Variants in FBN2 observed in about 807,000 individuals in gnomAD.
FBN2 encodes fibrillin-2.
Under a neutral mutation model 355.6 loss-of-function variants are expected in FBN2, and 105 were observed. The observed-to-expected ratio is 0.30, with a 90% confidence interval of 0.25 to 0.35. The LOEUF (loss-of-function observed/expected upper bound fraction) is 0.35, where lower values mean the gene tolerates loss of function less well. Among genes scored for constraint, FBN2 ranks in the 10% least tolerant of loss-of-function variants. FBN2 has a pLI of 1.00. For synonymous variants in FBN2, 1,350 were observed against 1,301.2 expected, an observed-to-expected ratio of 1.04 and a Z score of -0.81; for missense variants, 3,280 against 3,758.7, an observed-to-expected ratio of 0.87 and a Z score of 3.33.
At chr5:128,395,437 A>G (rs1752624673) in intron 8 of FBN2, among the ~76,000 whole-genome samples, 163 bp from the exon 9 acceptor site, 1 of 152,216 alleles carries the variant, frequency 6.6e-6, no homozygotes, top group African/African-American at 2.4e-5. Flanking sequence ...TCATTGAGCC[A>G]GGGACAGAAC....
chr5:128,449,603 T>A (rs141546623), intron 6 of FBN2, among the ~76,000 whole-genome samples: 35 of 151,226 alleles, frequency 2.3e-4, no homozygotes, highest in Admixed American at 1.4e-3. Context: ...TACAAGAATA[T>A]ACACTATTAA....
chr5:128,264,207 T>G (rs1287433958), intron 62 of FBN2, among the ~76,000 whole-genome samples: 1 of 152,190 alleles, frequency 6.6e-6, no homozygotes, highest in Non-Finnish European at 1.5e-5. Flanking sequence ...AAAGTCCCTA[T>G]AAGTATTTGT....
intron 11 of FBN2, among the ~76,000 whole-genome samples, chr5:128,388,824 T>C (rs1328809109): frequency 6.6e-6 from 1 of 152,194 alleles, no homozygotes; most frequent in East Asian, 1.9e-4. Flanking sequence ...TTGAAGTTTG[T>C]CATCTTGTAC....
chr5:128,535,724 T>C (rs966400980), intron 2 of FBN2, among the ~76,000 whole-genome samples: 4 of 152,070 alleles, frequency 2.6e-5, no homozygotes, highest in Admixed American at 2.6e-4. Context: ...GATACAGAAT[T>C]TTTCAAGGTC....
chr5:128,506,047 GAC>G (rs1408556283), intron 5 of FBN2, among the ~76,000 whole-genome samples: 1 of 152,082 alleles, frequency 6.6e-6, no homozygotes, highest in African/African-American at 2.4e-5. Context: ...TAAGAAACTT[GAC>G]AGTTTTCAAA....
intron 5 of FBN2, among the ~76,000 whole-genome samples, chr5:128,481,458 G>A (rs1755185956): frequency 6.6e-6 from 1 of 152,170 alleles, no homozygotes; most frequent in East Asian, 1.9e-4. Context: ...GGTAGGAAGG[G>A]ATTATGGCAC....
intron 18 of FBN2, among the ~76,000 whole-genome samples, chr5:128,362,807 T>C (rs896995960): frequency 2.0e-5 from 3 of 152,148 alleles, no homozygotes; most frequent in Non-Finnish European, 4.4e-5. Flanking sequence ...GCAAGTGTAG[T>C]TAGTGACAAA....
chr5:128,336,072 C>A lies in FBN2; in HGVS notation c.3640G>T (p.Gly1214Ter). 1 of 1,613,658 alleles carries A rather than the reference C, an allele frequency of 6.2e-7. No individual in the cohort carries two copies. Among genetic ancestry groups the A allele is most frequent in the Non-Finnish European group, 8.5e-7 (1 of 1,179,606 alleles). ...GTTCCAATCATGTTCACACATTTTC[C>A]ATTTCTGCAGAGATTGTCACTCAGG... is the stretch of plus-strand genomic sequence containing the variant. ...CSLSDNLCRN[G>*]KCVNMIGTYQ... is the part of the protein sequence containing the mutation. Residue 1214 changes from glycine to a stop codon, truncating the protein, a stop_gained, in exon 28 of 65, where the codon GGA becomes TGA. Transcript: ENST00000262464. LOFTEE classifies it high-confidence loss of function.
chr5:128,318,240 A>G lies in FBN2; in HGVS notation c.4626T>C (p.Cys1542=), dbSNP rs2126853786. ...DIDECADPIN[C]VNGLCVNTPG... ...GCGTGTTGACACATAGGCCATTGACACAGTTTATAGGATCTGCACACTCAT... is the reference window on the plus strand; with the variant it reads ...GCGTGTTGACACATAGGCCATTGACGCAGTTTATAGGATCTGCACACTCAT... Residue 1542 remains cysteine, a synonymous_variant, in exon 36 of 65, where the codon TGT becomes TGC. Coordinates refer to ENST00000262464, the MANE Select transcript of FBN2 (RefSeq NM_001999.4). 3 of 1,614,020 alleles carry G rather than the reference A, an allele frequency of 1.9e-6. No homozygotes were observed. Among genetic ancestry groups the G allele is most frequent in the Non-Finnish European group, 2.5e-6 (3 of 1,179,898 alleles).
At chr5:128,389,209 C>T (rs921852884) in intron 11 of FBN2, among the ~76,000 whole-genome samples, 9 of 152,108 alleles carry the variant, frequency 5.9e-5, no homozygotes, top group Non-Finnish European at 1.2e-4. Flanking sequence ...TAAGAACATG[C>T]CAGTGGTGAT....
At chr5:128,283,164 C>A (rs1749027972) in intron 55 of FBN2, among the ~76,000 whole-genome samples, 1 of 152,182 alleles carries the variant, frequency 6.6e-6, no homozygotes, top group Non-Finnish European at 1.5e-5. Flanking sequence ...CCAGATTTCA[C>A]AATACTCCCT....
intron 36 of FBN2, among the ~76,000 whole-genome samples, chr5:128,313,483 C>A (rs1750114890): frequency 6.6e-6 from 1 of 152,172 alleles, no homozygotes; most frequent in South Asian, 2.1e-4. Context: ...TGTACAAAAT[C>A]TGCCGTCTTC....
chr5:128,286,690 T>C, intron 55 of FBN2, 28 bp downstream of exon 55: 1 of 1,613,628 alleles, frequency 6.2e-7, no homozygotes, highest in Non-Finnish European at 8.5e-7. Context: ...AGGCATTACA[T>C]AAGCAGACAC....
At chr5:128,351,476 G>A (rs10059368) in intron 20 of FBN2, among the ~76,000 whole-genome samples, 5,052 of 152,066 alleles carry the variant, frequency 0.033, 129 homozygotes, top group Non-Finnish European at 0.048. Flanking sequence ...GAACGCAGGA[G>A]GCAGAGGTTG....
At position 128,538,209 on chromosome 5, in the gene FBN2, G is replaced by C. The variant is rs1756914473; in HGVS notation, c.-606C>G. 1 of 155,304 alleles carries C rather than the reference G, an allele frequency of 6.4e-6. No individual in the cohort carries two copies. The highest frequency in any genetic ancestry group is 2.4e-5 in the African/African-American group (1 of 41,480). 9.6% of individuals were successfully genotyped at this position (155,304 alleles called of 1,614,324 possible). On this transcript the variant is annotated 5_prime_UTR_variant, in exon 1 of 65. Transcript: ENST00000262464. ...GGGCCGGGGCGTGCGGCCAGCAAGA[G>C]AGAGGGCGGGAGGCTGGGCGCTGGA... is the stretch of plus-strand genomic sequence containing the variant.
rs2112811070 is a variant in FBN2 at position 128,537,530 on chromosome 5, C to T, written c.74G>A (p.Gly25Asp). 6.3e-7 allele frequency: 1 copy of T among 1,585,488 alleles called. No individual in the cohort carries two copies. The highest frequency in any genetic ancestry group is 8.6e-7 in the Non-Finnish European group (1 of 1,168,674). Residue 25 changes from glycine to aspartate, a missense_variant, in exon 1 of 65, where the codon GGC (glycine) becomes GAC (aspartate). Around this residue, in one of 6 missense-constraint regions of FBN2, gnomAD observed 203 missense variants for 142.2 expected, o/e 1.43. Coordinates refer to ENST00000262464, the MANE Select transcript of FBN2 (RefSeq NM_001999.4). ...WLGCVVLWAQ[G>D]TAGQPQPPPP... Reference sequence around the variant, plus strand: ...AGGAGGCTGAGGCTGGCCGGCCGTGCCCTGCGCCCAGAGCACCACACAGCC... The same window carrying T: ...AGGAGGCTGAGGCTGGCCGGCCGTGTCCTGCGCCCAGAGCACCACACAGCC...
intron 7 of FBN2, among the ~76,000 whole-genome samples, chr5:128,437,773 TATAGATAGATAGATAGATAG>T (rs68027593): frequency 0.032 from 4,703 of 148,238 alleles, 257 homozygotes; most frequent in African/African-American, 0.11. Flanking sequence ...AGTATGTATG[TATAGATAGATAGATAGATAG>T]ATAGATAGAT....
In FBN2 at chr5:128,464,887, G is replaced by C; in HGVS notation, c.663C>G (p.Asn221Lys). The change falls in exon 6 of 65, where the codon AAC (asparagine) becomes AAG (lysine). Residue 221 changes from asparagine (N) to lysine (K), a missense_variant. Physicochemically the swap from Asn to Lys is moderately conservative, Grantham distance 94 (BLOSUM62 0). Coordinates refer to ENST00000262464, the MANE Select transcript of FBN2 (RefSeq NM_001999.4). ...YRTGPCFTQV[N>K]NQMCQGQLTG... ...TCAGCTGCCCTTGGCACATCTGGTT[G>C]TTGACCTGAGTGAAACACGGGCCTG... 5 of 1,614,258 alleles carry C rather than the reference G, an allele frequency of 3.1e-6. No homozygotes were observed. The highest frequency in any genetic ancestry group is 4.2e-6 in the Non-Finnish European group (5 of 1,180,046).
At chr5:128,317,464 C>T (rs555730355) in intron 36 of FBN2, among the ~76,000 whole-genome samples, 3 of 152,264 alleles carry the variant, frequency 2.0e-5, no homozygotes, top group Non-Finnish European at 4.4e-5. Flanking sequence ...ATATTCCTTC[C>T]ATTTGCTGCA....
Sources: gnomAD v4.1 joint callset for allele counts (sites outside exome capture counted in the v4.1 genomes callset) on GRCh38, gnomAD v4.1.1 for gene constraint, gnomAD v4.1.1 regional missense constraint, MANE v1.5 for transcripts, NCBI Gene and HGNC (gene_info 2026-07-23, HGNC 2026-07-21) for gene names.